The following MEGF10 variants were observed in gnomAD, a reference collection of about 807,000 sequenced individuals.
MEGF10 encodes multiple epidermal growth factor-like domains protein 10.
A neutral mutation model predicts 147.5 loss-of-function variants in MEGF10; 86 were observed. That is an observed-to-expected ratio of 0.58 (90% CI 0.49 to 0.70). MEGF10 has a LOEUF of 0.70. Among genes scored for constraint, MEGF10 ranks in the 30% least tolerant of loss-of-function variants. The pLI is 0.00. For synonymous variants in MEGF10, 478 were observed against 525.5 expected, an observed-to-expected ratio of 0.91 and a Z score of 1.24; for missense variants, 1,329 against 1,487.3, an observed-to-expected ratio of 0.89 and a Z score of 1.75.
intron 7 of MEGF10, among the ~76,000 whole-genome samples, chr5:127,400,979 C>T (rs767596749): frequency 5.3e-5 from 8 of 152,210 alleles, no homozygotes; most frequent in Non-Finnish European, 8.8e-5. Context: ...TATAGACACA[C>T]ATACCTTCAT....
intron 8 of MEGF10, among the ~76,000 whole-genome samples, chr5:127,405,223 T>A (rs1207111579): frequency 6.6e-6 from 1 of 152,222 alleles, no homozygotes; most frequent in Non-Finnish European, 1.5e-5. Context: ...TTATGATGTC[T>A]TTGAATTAAG....
chr5:127,297,479 A>G (rs1759556083), intron 1 of MEGF10, among the ~76,000 whole-genome samples: 1 of 152,136 alleles, frequency 6.6e-6, no homozygotes, highest in Non-Finnish European at 1.5e-5. Flanking sequence ...GCCTGGGTAT[A>G]GTAAGAGCCA....
the MEGF10 span, among the ~76,000 whole-genome samples, chr5:127,239,591 C>G: frequency 1.3e-5 from 2 of 151,058 alleles, no homozygotes; most frequent in Non-Finnish European, 2.9e-5. Flanking sequence ...TGTTGTAGTA[C>G]TCTCATGACT....
At chr5:127,289,502 A>T (rs1759142490), upstream of MEGF10, among the ~76,000 whole-genome samples, 1 of 152,148 alleles carries the variant, frequency 6.6e-6, no homozygotes, top group South Asian at 2.1e-4. Context: ...TTCCACCCAG[A>T]CTGCTGTCCT....
intron 1 of MEGF10, among the ~76,000 whole-genome samples, chr5:127,314,530 A>G (rs890405008): frequency 6.6e-6 from 1 of 152,174 alleles, no homozygotes; most frequent in Admixed American, 6.5e-5. Flanking sequence ...AAGACTAGAG[A>G]ATTTTTACTT....
At chr5:127,413,530 T>C (rs1224931546) in intron 9 of MEGF10, among the ~76,000 whole-genome samples, 1 of 152,242 alleles carries the variant, frequency 6.6e-6, no homozygotes, top group African/African-American at 2.4e-5. Context: ...AATTCAACTA[T>C]TAAACAGTTT....
At chr5:127,238,824 G>A in the MEGF10 span, among the ~76,000 whole-genome samples, 1,386 of 152,292 alleles carry the variant, frequency 9.1e-3, 30 homozygotes, top group African/African-American at 0.032. Flanking sequence ...TTGGTATTAA[G>A]ATGGCTCATG....
chr5:127,427,208 C>T (rs184568210), intron 13 of MEGF10, among the ~76,000 whole-genome samples: 14 of 152,236 alleles, frequency 9.2e-5, no homozygotes, highest in East Asian at 5.8e-4. Context: ...GTGGCAGTTA[C>T]GGTCTGCATA....
the MEGF10 span, among the ~76,000 whole-genome samples, chr5:127,255,011 G>T: frequency 9.2e-5 from 14 of 151,536 alleles, no homozygotes; most frequent in African/African-American, 3.4e-4. Context: ...CAGAGGCTAT[G>T]GTTTGTATGG....
intron 13 of MEGF10, 25 bp downstream of exon 13, chr5:127,422,797 A>G: frequency 6.3e-7 from 1 of 1,581,466 alleles, no homozygotes; most frequent in Non-Finnish European, 8.7e-7. Context: ...CCGCTAATTG[A>G]AAGGTGAAAC....
chr5:127,449,917 T>A (rs1291549590), intron 22 of MEGF10, among the ~76,000 whole-genome samples: 1 of 151,874 alleles, frequency 6.6e-6, no homozygotes, highest in African/African-American at 2.4e-5. Flanking sequence ...CTGGAAAAAA[T>A]AGAATGTTAA....
intron 2 of MEGF10, among the ~76,000 whole-genome samples, chr5:127,333,288 G>GAT (rs1761338536): frequency 6.6e-6 from 1 of 152,144 alleles, no homozygotes; most frequent in Non-Finnish European, 1.5e-5. Flanking sequence ...GGCCAAGGCA[G>GAT]ATAGATCACT....
the MEGF10 span, among the ~76,000 whole-genome samples, chr5:127,268,649 C>T: frequency 0.057 from 8,635 of 152,246 alleles, 442 homozygotes; most frequent in African/African-American, 0.14. Context: ...CTCTGTAGAC[C>T]CCACCTCTGG....
At chr5:127,391,230 C>T (rs1200998627) in intron 5 of MEGF10, among the ~76,000 whole-genome samples, 1 of 151,156 alleles carries the variant, frequency 6.6e-6, no homozygotes, top group African/African-American at 2.4e-5. Flanking sequence ...CTTTGCCAGA[C>T]TAATTTCTAA....
chr5:127,446,306 T>A (rs1580881319), intron 20 of MEGF10, among the ~76,000 whole-genome samples: 1 of 151,948 alleles, frequency 6.6e-6, no homozygotes, highest in East Asian at 1.9e-4. Context: ...AATTTAAAAG[T>A]TTAAAATCTT....
chr5:127,356,411 G>GA (rs986102683), intron 4 of MEGF10, among the ~76,000 whole-genome samples: 1 of 152,062 alleles, frequency 6.6e-6, no homozygotes, highest in South Asian at 2.1e-4. Context: ...AAAAAGGCTG[G>GA]AAAAAAATCA....
chr5:127,395,517 C>A (rs1217293020), intron 5 of MEGF10, among the ~76,000 whole-genome samples: 1 of 145,766 alleles, frequency 6.9e-6, no homozygotes, highest in Non-Finnish European at 1.5e-5. Flanking sequence ...CTTCCAAACA[C>A]AGATGTTTTG....
chr5:127,253,812 T>C, the MEGF10 span, among the ~76,000 whole-genome samples: 2 of 152,174 alleles, frequency 1.3e-5, no homozygotes, highest in African/African-American at 4.8e-5. Context: ...GTCTCAACCA[T>C]GTTTCTAGAG....
At chr5:127,281,749 A>G in the MEGF10 span, among the ~76,000 whole-genome samples, 1 of 152,186 alleles carries the variant, frequency 6.6e-6, no homozygotes. Context: ...AGGGCAGGGC[A>G]TGGGCAGGCT....
Sources: allele counts gnomAD v4.1 joint callset (sites outside exome capture counted in the v4.1 genomes callset), GRCh38; gene constraint gnomAD v4.1.1; transcripts MANE v1.5; gene names NCBI Gene and HGNC (gene_info 2026-07-23, HGNC 2026-07-21).